The following ZNF385B variants were observed in gnomAD, a reference collection of about 807,000 sequenced individuals.
The protein encoded by ZNF385B is zinc finger protein 385B.
In ZNF385B, 23 loss-of-function variants were observed where a neutral mutation model predicts 39.2. That is an observed-to-expected ratio of 0.59 (90% CI 0.42 to 0.83). The LOEUF is 0.83. ZNF385B is among the 40% of genes least tolerant of loss of function. The pLI is 0.00. For synonymous variants in ZNF385B, 205 were observed against 222.6 expected (o/e 0.92, Z 0.70); for missense variants, 552 against 598.9 (o/e 0.92, Z 0.82).
At chr2:179,566,612 A>G (rs1245805227) in intron 3 of ZNF385B, among the ~76,000 whole-genome samples, 1 of 152,232 alleles carries the variant, frequency 6.6e-6, no homozygotes, top group African/African-American at 2.4e-5. Flanking sequence ...ATAACTGTTG[A>G]TTATAAATTG....
intron 5 of ZNF385B, among the ~76,000 whole-genome samples, chr2:179,493,782 C>A (rs765502052): frequency 3.4e-5 from 3 of 89,522 alleles, no homozygotes; most frequent in Non-Finnish European, 4.9e-5. Context: ...TATGTATATA[C>A]ACATATGTAT....
At chr2:179,842,566 A>G (rs1464380839) in intron 1 of ZNF385B, among the ~76,000 whole-genome samples, 1 of 152,112 alleles carries the variant, frequency 6.6e-6, no homozygotes, top group Non-Finnish European at 1.5e-5. Flanking sequence ...CTTCTCCATG[A>G]TTAACTCTTT....
intron 5 of ZNF385B, among the ~76,000 whole-genome samples, chr2:179,487,008 T>C (rs2054645594): frequency 6.6e-6 from 1 of 152,252 alleles, no homozygotes; most frequent in South Asian, 2.1e-4. Context: ...TAAAAACTCA[T>C]CTTTCACAGT....
At chr2:179,515,541 C>T (rs1015060451) in intron 5 of ZNF385B, among the ~76,000 whole-genome samples, 34 of 152,124 alleles carry the variant, frequency 2.2e-4, no homozygotes, top group African/African-American at 6.3e-4. Context: ...TTAATTTCTC[C>T]GTATAACTCT....
At chr2:179,454,162 G>T (rs2050440881) in intron 6 of ZNF385B, among the ~76,000 whole-genome samples, 1 of 152,164 alleles carries the variant, frequency 6.6e-6, no homozygotes, top group Non-Finnish European at 1.5e-5. Context: ...AATGAGAAAG[G>T]GAGATTCAAC....
intron 5 of ZNF385B, among the ~76,000 whole-genome samples, chr2:179,493,429 A>G (rs112500652): frequency 4.6e-5 from 7 of 151,580 alleles, no homozygotes; most frequent in East Asian, 2.0e-4. Flanking sequence ...ATGTGTACAT[A>G]TATGTACGTA....
chr2:179,662,178 A>T (rs1427436866), intron 3 of ZNF385B, among the ~76,000 whole-genome samples: 4 of 152,196 alleles, frequency 2.6e-5, no homozygotes, highest in Non-Finnish European at 5.9e-5. Context: ...AGGTAACCAC[A>T]AGTGGAGGAA....
At chr2:179,646,942 T>C (rs536553075) in intron 3 of ZNF385B, among the ~76,000 whole-genome samples, 79 of 152,308 alleles carry the variant, frequency 5.2e-4, no homozygotes, top group African/African-American at 1.8e-3. Context: ...CTTTTAGGGA[T>C]TAAAATTTCA....
chr2:179,586,700 A>G, intron 3 of ZNF385B, among the ~76,000 whole-genome samples: 1 of 152,130 alleles, frequency 6.6e-6, no homozygotes, highest in Non-Finnish European at 1.5e-5. Flanking sequence ...AGGAGCTATT[A>G]CTCTTTTTTG....
intron 1 of ZNF385B, among the ~76,000 whole-genome samples, chr2:179,787,886 A>C (rs1447939856): frequency 6.6e-6 from 1 of 152,218 alleles, no homozygotes; most frequent in Non-Finnish European, 1.5e-5. Context: ...TGAAAGCTAA[A>C]AGATAAATTG....
At chr2:179,845,987 C>T (rs1364782498) in intron 1 of ZNF385B, among the ~76,000 whole-genome samples, 1 of 152,204 alleles carries the variant, frequency 6.6e-6, no homozygotes, top group East Asian at 1.9e-4. Flanking sequence ...GAGATTCTCT[C>T]TTAGACTACA....
chr2:179,810,553 AG>A (rs775462958), intron 1 of ZNF385B, among the ~76,000 whole-genome samples: 10 of 151,990 alleles, frequency 6.6e-5, no homozygotes, highest in Admixed American at 1.3e-4. Context: ...TTCTACATTA[AG>A]GAGTGTGTTC....
At chr2:179,718,022 G>C (rs1700441676) in intron 3 of ZNF385B, among the ~76,000 whole-genome samples, 1 of 152,086 alleles carries the variant, frequency 6.6e-6, no homozygotes, top group African/African-American at 2.4e-5. Context: ...TTGGCAAACA[G>C]GTTTCTCATT....
At chr2:179,854,466 TA>T (rs71401765) in intron 1 of ZNF385B, among the ~76,000 whole-genome samples, 118 of 143,102 alleles carry the variant, frequency 8.2e-4, no homozygotes, top group South Asian at 1.5e-3. Flanking sequence ...TAGGCTGCCA[TA>T]AAAAAAAAAA....
At chr2:179,661,094 T>C (rs909040853) in intron 3 of ZNF385B, among the ~76,000 whole-genome samples, 1 of 152,186 alleles carries the variant, frequency 6.6e-6, no homozygotes, top group Non-Finnish European at 1.5e-5. Flanking sequence ...TTACTTTTAT[T>C]TTGGTTAAAG....
chr2:179,623,016 A>G (rs959776458), intron 3 of ZNF385B, among the ~76,000 whole-genome samples: 6 of 152,180 alleles, frequency 3.9e-5, no homozygotes, highest in African/African-American at 1.4e-4. Flanking sequence ...ATAAGCACCA[A>G]CAAAAGAATA....
intron 1 of ZNF385B, among the ~76,000 whole-genome samples, chr2:179,827,300 T>C (rs926331955): frequency 4.6e-5 from 7 of 152,090 alleles, no homozygotes; most frequent in Non-Finnish European, 8.8e-5. Context: ...TAAATAGACT[T>C]GGGGAGAATC....
intron 4 of ZNF385B, among the ~76,000 whole-genome samples, chr2:179,521,778 C>T (rs1349301411): frequency 6.6e-6 from 1 of 152,174 alleles, no homozygotes; most frequent in Admixed American, 6.5e-5. Flanking sequence ...AGCCCTTTTA[C>T]ACTTTCTTTG....
chr2:179,718,045 G>A (rs1019833863), intron 3 of ZNF385B, among the ~76,000 whole-genome samples: 2 of 152,056 alleles, frequency 1.3e-5, no homozygotes. Flanking sequence ...GTAGCCTAAT[G>A]TTTATGCTAT....
Sources: allele counts gnomAD v4.1 joint callset (sites outside exome capture counted in the v4.1 genomes callset), GRCh38; gene constraint gnomAD v4.1.1; transcripts MANE v1.5; gene names NCBI Gene and HGNC (gene_info 2026-07-23, HGNC 2026-07-21).